GNAI1: variants seen among roughly 807,000 people sequenced by gnomAD.
GNAI1 encodes the protein guanine nucleotide-binding protein G(i) subunit alpha-1.
Under a neutral mutation model 38.9 loss-of-function variants are expected in GNAI1, and 11 were observed. The observed-to-expected ratio is 0.28, with a 90% CI of 0.18 to 0.47. The LOEUF (loss-of-function observed/expected upper bound fraction) is 0.47. Among genes scored for constraint, GNAI1 ranks in the 20% least tolerant of loss-of-function variants. GNAI1 has a pLI of 0.99. For missense variants in GNAI1, 317 were observed against 436.9 expected (o/e 0.73, Z 2.45); for synonymous variants, 166 against 145.1 (o/e 1.14, Z -1.04).
rs1787379282 is a variant in GNAI1 at position 80,134,893 on chromosome 7, A to G, written c.-268A>G. 6.6e-6 allele frequency: 2 copies of G among 302,568 alleles called. No homozygotes were observed. Among genetic ancestry groups the G allele is most frequent in the East Asian group, 1.1e-4 (2 of 18,898 alleles). The allele number at this position is 302,568 out of a possible 1,614,324, so 18.7% of individuals were successfully genotyped here. ...CCGGCGGGAGTGCAGCGGCCACTGT[A>G]CCCAGAGATTCAAAACCCCAAACCC... On this transcript the variant is annotated 5_prime_UTR_variant, in exon 1 of 8. Coordinates refer to ENST00000649796, the MANE Select transcript of GNAI1 (RefSeq NM_002069.6).
In GNAI1 at chr7:80,210,984, A is replaced by G. The variant is rs1276356834; in HGVS notation, c.606A>G (p.Gly202=). Residue 202 remains glycine, a synonymous_variant, in exon 6 of 8, where the codon GGA becomes GGG. Coordinates refer to ENST00000649796, the MANE Select transcript of GNAI1 (RefSeq NM_002069.6). ...KDLHFKMFDV[G]GQRSERKKWI... Reference sequence around the variant, plus strand: ...CTCTTAACAGAATGTTTGATGTGGGAGGTCAGAGATCTGAGCGGAAGAAGT... The same window carrying G: ...CTCTTAACAGAATGTTTGATGTGGGGGGTCAGAGATCTGAGCGGAAGAAGT... 1.2e-6 allele frequency: 2 copies of G among 1,613,030 alleles called. No individual in the cohort carries two copies. Among genetic ancestry groups the G allele is most frequent in the East Asian group, 2.2e-5 (1 of 44,848 alleles).
intron 3 of GNAI1, among the ~76,000 whole-genome samples, chr7:80,193,326 TTAA>T (rs1253527045): frequency 1.3e-5 from 2 of 152,192 alleles, no homozygotes; most frequent in African/African-American, 4.8e-5. Context: ...ATGTAAAATC[TTAA>T]TAAGTGTTGA....
At chr7:80,163,700 A>G (rs1163114404) in intron 1 of GNAI1, among the ~76,000 whole-genome samples, 2 of 152,222 alleles carry the variant, frequency 1.3e-5, no homozygotes, top group African/African-American at 2.4e-5. Context: ...TCTGTTGCAT[A>G]TAATCCACAT....
At chr7:80,175,364 ATGTG>A (rs71518972) in intron 1 of GNAI1, among the ~76,000 whole-genome samples, 1 of 150,372 alleles carries the variant, frequency 6.7e-6, no homozygotes, top group South Asian at 2.1e-4. Flanking sequence ...GTGTATATTT[ATGTG>A]TGTGTGTGTG....
At chr7:80,165,069 G>T (rs1053390656) in intron 1 of GNAI1, among the ~76,000 whole-genome samples, 1 of 152,054 alleles carries the variant, frequency 6.6e-6, no homozygotes, top group Admixed American at 6.6e-5. Flanking sequence ...CACCAAGACC[G>T]AACTGAAGGG....
At chr7:80,197,711 C>G (rs1788603429) in intron 3 of GNAI1, among the ~76,000 whole-genome samples, 1 of 152,004 alleles carries the variant, frequency 6.6e-6, no homozygotes, top group African/African-American at 2.4e-5. Context: ...GCATGCATTT[C>G]TCTTGTGATT....
chr7:80,147,151 G>A (rs1223806902), intron 1 of GNAI1, among the ~76,000 whole-genome samples: 1 of 152,002 alleles, frequency 6.6e-6, no homozygotes, highest in Non-Finnish European at 1.5e-5. Context: ...CAATAATAAT[G>A]TTTTTCTGAC....
rs367591414 is a variant in GNAI1, at chr7:80,223,171, A to G, written c.*5678A>G. Among the ~76,000 whole-genome samples the G allele has an allele frequency of 9.2e-5, 14 of 152,352 alleles. No homozygotes were observed. Among genetic ancestry groups the G allele is most frequent in the African/African-American group, 3.1e-4 (13 of 41,592 alleles). Reference sequence around the variant, plus strand: ...ATCATACGTTGGGGACCATCTGTACATAGAGTAGGACTCTTGAGAGCCTAA... The same window carrying G: ...ATCATACGTTGGGGACCATCTGTACGTAGAGTAGGACTCTTGAGAGCCTAA... On this transcript the variant is annotated 3_prime_UTR_variant, in exon 8 of 8. Transcript: ENST00000649796.
At position 80,224,189 on chromosome 7, in the gene GNAI1, A is replaced by T. The variant is rs1000144909; in HGVS notation, c.*6696A>T. ...ATATAGAGAAAATGCATACATACAT[A>T]ATTTATTGAGTGCCTACTGTGTGCT... On this transcript the variant is annotated 3_prime_UTR_variant, in exon 8 of 8. Coordinates refer to ENST00000649796, the MANE Select transcript of GNAI1 (RefSeq NM_002069.6). Among the ~76,000 whole-genome samples, 1 of 152,208 alleles carries T rather than the reference A, an allele frequency of 6.6e-6. No individual in the cohort carries two copies. The highest frequency in any genetic ancestry group is 2.4e-5 in the African/African-American group (1 of 41,456).
chr7:80,188,023 T>C (rs1164515289), intron 1 of GNAI1, among the ~76,000 whole-genome samples: 1 of 152,054 alleles, frequency 6.6e-6, no homozygotes, highest in African/African-American at 2.4e-5. Context: ...TGAAGGAGAG[T>C]TCTGAGAATG....
chr7:80,208,647 C>T (rs1046357821), intron 5 of GNAI1, among the ~76,000 whole-genome samples: 2 of 152,156 alleles, frequency 1.3e-5, no homozygotes, highest in African/African-American at 4.8e-5. Context: ...GACCATTCTC[C>T]ACCTGTCATC....
chr7:80,168,533 G>A (rs896271846), intron 1 of GNAI1, among the ~76,000 whole-genome samples: 1 of 152,054 alleles, frequency 6.6e-6, no homozygotes, highest in African/African-American at 2.4e-5. Context: ...GACTACAGGT[G>A]CCCGCCACCA....
At chr7:80,138,107 C>T (rs753982392) in intron 1 of GNAI1, among the ~76,000 whole-genome samples, 3 of 152,162 alleles carry the variant, frequency 2.0e-5, no homozygotes, top group Non-Finnish European at 4.4e-5. Context: ...TCGTGTTCAT[C>T]TTCACTTATT....
intron 1 of GNAI1, chr7:80,187,463 G>GGA (rs1788408367): frequency 6.6e-6 from 1 of 152,256 alleles, no homozygotes; most frequent in Non-Finnish European, 1.5e-5. Flanking sequence ...GGTTGACAAA[G>GGA]GAGGTAAGTT....
Position 80,220,248 on chromosome 7 carries a change from T to G in GNAI1, c.*2755T>G, listed in dbSNP as rs1241753419. Among the ~76,000 whole-genome samples, 2 of 152,058 alleles carry G rather than the reference T, an allele frequency of 1.3e-5. No homozygotes were observed. The highest frequency in any genetic ancestry group is 2.9e-5 in the Non-Finnish European group (2 of 68,010). ...CAAGTACTGTATTACTTACTACATG[T>G]GATATGCTTAGAGCAGTGCCTACAA... On this transcript the variant is annotated 3_prime_UTR_variant, in exon 8 of 8. Coordinates refer to ENST00000649796, the MANE Select transcript of GNAI1 (RefSeq NM_002069.6).
At chr7:80,136,817 T>A (rs1192467111) in intron 1 of GNAI1, among the ~76,000 whole-genome samples, 1 of 152,208 alleles carries the variant, frequency 6.6e-6, no homozygotes. Flanking sequence ...TTTAAAGCAA[T>A]TGAAAAATGA....
At chr7:80,135,430 C>T in intron 1 of GNAI1, 152 bp downstream of exon 1, 3 of 437,338 alleles carry the variant, frequency 6.9e-6, no homozygotes, top group Non-Finnish European at 1.2e-5. Flanking sequence ...GGAGGCAAGG[C>T]GGGTCCCCCT....
At chr7:80,180,207 C>T (rs557034605) in intron 1 of GNAI1, among the ~76,000 whole-genome samples, 1 of 152,150 alleles carries the variant, frequency 6.6e-6, no homozygotes, top group Non-Finnish European at 1.5e-5. Flanking sequence ...AAAACATCCT[C>T]TTCCTGTGTG....
rs1412542452 is a variant in GNAI1, at chr7:80,223,783, TAATA to T, written c.*6295_*6298del. Among the ~76,000 whole-genome samples the T allele has an allele frequency of 6.6e-6, 1 of 151,492 alleles. No homozygotes were observed. Among genetic ancestry groups the T allele is most frequent in the Admixed American group, 6.5e-5 (1 of 15,282 alleles). On this transcript the variant is annotated 3_prime_UTR_variant, in exon 8 of 8. Coordinates refer to ENST00000649796, the MANE Select transcript of GNAI1 (RefSeq NM_002069.6). ...TCTACTTCACAAGGCAATTTACCTG[TAATA>T]AATATAACTTTTTTGCAGACTTGAG... is the stretch of plus-strand genomic sequence containing the variant.
Sources: gnomAD v4.1 joint callset for allele counts (sites outside exome capture counted in the v4.1 genomes callset) on GRCh38, gnomAD v4.1.1 for gene constraint, MANE v1.5 for transcripts, NCBI Gene and HGNC (gene_info 2026-07-23, HGNC 2026-07-21) for gene names.